The following TXK variants were observed in gnomAD, a reference collection of about 807,000 sequenced individuals.
The protein encoded by TXK is TXK tyrosine kinase.
A neutral mutation model predicts 81.0 loss-of-function variants in TXK; 60 were observed. That is an observed-to-expected ratio of 0.74 (90% CI 0.60 to 0.92). The LOEUF (loss-of-function observed/expected upper bound fraction) is 0.92, where lower values mean the gene tolerates loss of function less well. Ranked by LOEUF, TXK falls within the 40% of genes least tolerant of loss-of-function variation. The pLI, the probability that TXK is intolerant of heterozygous loss-of-function variation, is 0.00. For synonymous variants in TXK, 203 were observed against 210.7 expected, an observed-to-expected ratio of 0.96 and a Z score of 0.32; for missense variants, 581 against 638.3, an observed-to-expected ratio of 0.91 and a Z score of 0.97.
chr4:48,105,783 CCTCA>C (rs1170544147), intron 5 of TXK, among the ~76,000 whole-genome samples: 1 of 152,154 alleles, frequency 6.6e-6, no homozygotes, highest in Non-Finnish European at 1.5e-5. Context: ...CTGAGTCTCC[CCTCA>C]CTCACTAAGC....
chr4:48,125,209 A>G lies in TXK; in HGVS notation c.16+8946T>C, dbSNP rs1485934467. 5.9e-5 allele frequency among the ~76,000 whole-genome samples: 9 copies of G among 152,374 alleles called. No individual in the cohort carries two copies. In the East Asian group the frequency reaches 1.2e-3, roughly 20 times the overall value. On this transcript the variant is annotated intron_variant, in intron 1 of 14. Coordinates refer to ENST00000264316, the MANE Select transcript of TXK (RefSeq NM_003328.3). Reference sequence around the variant, plus strand: ...GAAGTCAAACCCAGAGTCCATGAGCATCACAATAGGACTATCCTTGTGGAT... The same window carrying G: ...GAAGTCAAACCCAGAGTCCATGAGCGTCACAATAGGACTATCCTTGTGGAT...
intron 1 of TXK, among the ~76,000 whole-genome samples, chr4:48,131,600 C>A (rs554808193): frequency 6.6e-6 from 1 of 152,282 alleles, no homozygotes; most frequent in East Asian, 1.9e-4. Context: ...TTCTTACCAT[C>A]AAATCAAATT....
At chr4:48,076,870 C>T (rs749291094) in intron 11 of TXK, among the ~76,000 whole-genome samples, 2 of 152,144 alleles carry the variant, frequency 1.3e-5, no homozygotes, top group Non-Finnish European at 2.9e-5. Flanking sequence ...CTCAAATGAC[C>T]CACCCACCTT....
chr4:48,128,893 G>C (rs1183980007), intron 1 of TXK, among the ~76,000 whole-genome samples: 1 of 151,824 alleles, frequency 6.6e-6, no homozygotes, highest in East Asian at 1.9e-4. Flanking sequence ...CATTTCTTAA[G>C]GGCCTTTTGA....
intron 10 of TXK, among the ~76,000 whole-genome samples, chr4:48,083,205 G>C (rs750187209): frequency 6.6e-6 from 1 of 152,166 alleles, no homozygotes; most frequent in African/African-American, 2.4e-5. Flanking sequence ...TTGGGCTAGA[G>C]CCCAAAAGCA....
chr4:48,118,066 A>G (rs778743468), intron 1 of TXK, among the ~76,000 whole-genome samples: 1 of 152,126 alleles, frequency 6.6e-6, no homozygotes, highest in South Asian at 2.1e-4. Context: ...CCAATCTCCC[A>G]ATTTTGTTCC....
chr4:48,119,800 T>C lies in TXK; in HGVS notation c.17-5398A>G, dbSNP rs533709127. Reference sequence around the variant, plus strand: ...AGGGCACATTAGCACTTAAGGACTCTGTTGACTTTGGCAGGAATGGGTCTC... The same window carrying C: ...AGGGCACATTAGCACTTAAGGACTCCGTTGACTTTGGCAGGAATGGGTCTC... On this transcript the variant is annotated intron_variant, in intron 1 of 14. Coordinates refer to ENST00000264316, the MANE Select transcript of TXK (RefSeq NM_003328.3). Among the ~76,000 whole-genome samples, 3 of 152,338 alleles carry C rather than the reference T, an allele frequency of 2.0e-5. No homozygotes were observed. In the East Asian group the frequency reaches 5.8e-4, roughly 29 times the overall value.
In TXK at chr4:48,089,822, G is replaced by A. The variant is rs748447227; in HGVS notation, c.712C>T (p.Leu238Phe). The A allele has an allele frequency of 6.2e-7, 1 of 1,610,722 alleles. No homozygotes were observed. Among genetic ancestry groups the A allele is most frequent in the Non-Finnish European group, 8.5e-7 (1 of 1,177,168 alleles). ...IWYHQHNAAG[L>F]MTRLRYPVGL... ...ACTGGATATCGGAGACGAGTCATGA[G>A]ACCTAAGGAGAAAGAGAAATCAATA... is the stretch of plus-strand genomic sequence containing the variant. Residue 238 changes from leucine (L) to phenylalanine (F), a missense_variant and splice_region_variant, in exon 9 of 15, where the codon CTC (leucine) becomes TTC (phenylalanine). Transcript: ENST00000264316.
intron 8 of TXK, among the ~76,000 whole-genome samples, chr4:48,091,832 G>A (rs989525750): frequency 3.9e-5 from 6 of 152,088 alleles, no homozygotes; most frequent in African/African-American, 1.4e-4. Flanking sequence ...AGATCACTCT[G>A]GTACTAGCAG....
intron 14 of TXK, among the ~76,000 whole-genome samples, chr4:48,069,330 T>TC (rs58757977): frequency 0.83 from 117,952 of 142,378 alleles, 49,650 homozygotes; most frequent in East Asian, 1. Flanking sequence ...TCTTTTCTTT[T>TC]TTTTTTTTTT....
chr4:48,120,991 C>T (rs1193203416), intron 1 of TXK, among the ~76,000 whole-genome samples: 1 of 152,220 alleles, frequency 6.6e-6, no homozygotes, highest in East Asian at 1.9e-4. Flanking sequence ...GTACCATATC[C>T]CTTGGCTTTG....
intron 1 of TXK, among the ~76,000 whole-genome samples, chr4:48,124,149 C>T (rs138133489): frequency 8.5e-5 from 13 of 152,290 alleles, no homozygotes; most frequent in African/African-American, 3.1e-4. Flanking sequence ...CCCAATCTCA[C>T]CACTATCAAC....
rs1181700878 is a variant in TXK at position 48,124,842 on chromosome 4, C to A, written c.16+9313G>T. 3.3e-5 allele frequency among the ~76,000 whole-genome samples: 5 copies of A among 152,286 alleles called. No individual in the cohort carries two copies. In the East Asian group the frequency reaches 9.6e-4, roughly 29 times the overall value. On this transcript the variant is annotated intron_variant, in intron 1 of 14. Transcript: ENST00000264316. ...TGGCATTCAAATGTGTTTGTTTTTT[C>A]TTTTCTGTATTAAAAGAACATATGG...
intron 10 of TXK, among the ~76,000 whole-genome samples, chr4:48,082,168 T>C (rs1717325097): frequency 6.6e-6 from 1 of 152,146 alleles, no homozygotes; most frequent in African/African-American, 2.4e-5. Context: ...TTACATAATG[T>C]AAACCAAAAA....
chr4:48,096,394 T>C lies in TXK; in HGVS notation c.502-1172A>G, dbSNP rs781772469. On this transcript the variant is annotated intron_variant, in intron 6 of 14. Transcript: ENST00000264316. ...AGTTGCATATGTAGTGATAGCTTTA[T>C]AGAAACAAAGTAGAAAGGGTACAAG... is the stretch of plus-strand genomic sequence containing the variant. 5.9e-5 allele frequency among the ~76,000 whole-genome samples: 9 copies of C among 152,328 alleles called. No homozygotes were observed. The East Asian group carries it at 7.7e-4, about 13-fold the overall frequency.
chr4:48,089,390 T>TC (rs1717664594), intron 9 of TXK: 1 of 159,792 alleles, frequency 6.3e-6, no homozygotes, highest in Non-Finnish European at 1.4e-5. Context: ...AGATTCTTTT[T>TC]TTTTTTTCCT....
intron 1 of TXK, among the ~76,000 whole-genome samples, chr4:48,121,712 A>G (rs910952576): frequency 3.3e-5 from 5 of 152,178 alleles, no homozygotes; most frequent in Admixed American, 3.3e-4. Context: ...TACATGTTCA[A>G]TACAGACACA....
chr4:48,113,502 C>T (rs938789632), intron 2 of TXK, among the ~76,000 whole-genome samples, 193 bp from the exon 3 acceptor site: 7 of 152,204 alleles, frequency 4.6e-5, no homozygotes, highest in Non-Finnish European at 8.8e-5. Flanking sequence ...TCTCCAGGAA[C>T]TAGAGGTGCT....
Position 48,073,988 on chromosome 4 carries a change from G to A in TXK, c.1304C>T (p.Pro435Leu), listed in dbSNP as rs748505095. 1 of 1,613,954 alleles carries A rather than the reference G, an allele frequency of 6.2e-7. No individual in the cohort carries two copies. The highest frequency in any genetic ancestry group is 8.5e-7 in the Non-Finnish European group (1 of 1,179,924). Residue 435 changes from proline to leucine, a missense_variant, in exon 13 of 15, where the codon CCT becomes CTT. By Grantham distance (98) the Pro-to-Leu change is moderately conservative (BLOSUM62 -3). Transcript: ENST00000264316. ...GAKFPIKWSP[P>L]EVFLFNKYSS... ...GTACTTATTGAAAAGAAAAACTTCA[G>A]GAGGGGACCACTTGATTGGGAACTT...
Sources: allele counts gnomAD v4.1 joint callset (sites outside exome capture counted in the v4.1 genomes callset), GRCh38; gene constraint gnomAD v4.1.1; transcripts MANE v1.5; gene names NCBI Gene and HGNC (gene_info 2026-07-23, HGNC 2026-07-21).